The following EXOC6 variants were observed in gnomAD, a reference collection of about 807,000 sequenced individuals.
EXOC6 encodes exocyst complex component 6, also known as SEC15-like 1.
In EXOC6, 60 loss-of-function variants were observed where a neutral mutation model predicts 112.5. The ratio of observed to expected loss-of-function variants is 0.53; its 90% CI spans 0.43 to 0.66. The LOEUF is 0.66. Ranked by LOEUF, EXOC6 falls within the 30% of genes least tolerant of loss-of-function variation. The pLI, the probability that EXOC6 is intolerant of heterozygous loss-of-function variation, is 0.00. For synonymous variants in EXOC6, 295 were observed against 308.0 expected (o/e 0.96, Z 0.44); for missense variants, 855 against 957.1 (o/e 0.89, Z 1.41).
intron 7 of EXOC6, among the ~76,000 whole-genome samples, chr10:92,916,181 C>G (rs1246225635): frequency 6.6e-6 from 1 of 151,914 alleles, no homozygotes. Flanking sequence ...ATCAGCCCTA[C>G]AAGGACAGCT....
intron 1 of EXOC6, among the ~76,000 whole-genome samples, chr10:92,891,854 A>C (rs1849519277): frequency 6.6e-6 from 1 of 152,166 alleles, no homozygotes; most frequent in African/African-American, 2.4e-5. Flanking sequence ...ATTCATTAAA[A>C]ACCTAAGACA....
intron 1 of EXOC6, among the ~76,000 whole-genome samples, chr10:92,841,431 T>G (rs1846846577): frequency 6.6e-6 from 1 of 152,246 alleles, no homozygotes; most frequent in Non-Finnish European, 1.5e-5. Context: ...TATTTTATAC[T>G]AATGCAATAT....
chr10:92,948,591 T>TACTACTACC, intron 14 of EXOC6, among the ~76,000 whole-genome samples: 1 of 149,922 alleles, frequency 6.7e-6, no homozygotes, highest in Non-Finnish European at 1.5e-5. Flanking sequence ...CTACTACTAC[T>TACTACTACC]ACTACTACTA....
At chr10:93,035,287 G>A (rs973971629) in intron 20 of EXOC6, among the ~76,000 whole-genome samples, 2 of 152,160 alleles carry the variant, frequency 1.3e-5, no homozygotes. Flanking sequence ...TTCAGCTATC[G>A]ATATGAACTT....
intron 18 of EXOC6, chr10:92,987,698 C>T (rs1303210481): frequency 2.4e-6 from 2 of 848,194 alleles, no homozygotes; most frequent in Non-Finnish European, 2.8e-6. Context: ...GAATTTCCTG[C>T]AGGCTTATTT....
At chr10:92,982,038 C>G (rs1842843311) in intron 18 of EXOC6, among the ~76,000 whole-genome samples, 1 of 152,122 alleles carries the variant, frequency 6.6e-6, no homozygotes, top group Non-Finnish European at 1.5e-5. Flanking sequence ...ATCACTTGAA[C>G]CCGGGAGGCA....
intron 1 of EXOC6, among the ~76,000 whole-genome samples, chr10:92,827,650 A>G (rs914342314): frequency 1.3e-5 from 2 of 152,094 alleles, no homozygotes; most frequent in African/African-American, 2.4e-5. Context: ...GTGGCAAAGA[A>G]AAAGCTGCTG....
rs115908278 is a variant in EXOC6, at chr10:92,927,675, A to G, written c.889-664A>G. On this transcript the variant is annotated intron_variant, in intron 8 of 21. Coordinates refer to ENST00000260762, the MANE Select transcript of EXOC6 (RefSeq NM_019053.6). Reference sequence around the variant, plus strand: ...GAGTTCCATTGGACAACACTGAGATAGACTAACCAAGAAATTATAGCATGG... The same window carrying G: ...GAGTTCCATTGGACAACACTGAGATGGACTAACCAAGAAATTATAGCATGG... Among the ~76,000 whole-genome samples the G allele has an allele frequency of 6.4e-3, 977 of 152,346 alleles. 17 individuals are homozygous for G. Among genetic ancestry groups the G allele is most frequent in the African/African-American group, 0.022 (928 of 41,582 alleles).
At chr10:93,023,138 A>G (rs1253038717) in intron 20 of EXOC6, among the ~76,000 whole-genome samples, 2 of 151,784 alleles carry the variant, frequency 1.3e-5, no homozygotes, top group Non-Finnish European at 2.9e-5. Context: ...TTTGAATTTG[A>G]TACTGCTTCA....
chr10:92,971,214 T>C (rs529723007), intron 17 of EXOC6, among the ~76,000 whole-genome samples: 181 of 150,712 alleles, frequency 1.2e-3, no homozygotes, highest in African/African-American at 4.3e-3. Context: ...TGGCTAATTT[T>C]TTTGTATTTT....
At chr10:92,940,867 T>C (rs1455137805) in intron 13 of EXOC6, 43 bp downstream of exon 13, 1 of 1,254,882 alleles carries the variant, frequency 8.0e-7, no homozygotes, top group South Asian at 1.3e-5. Flanking sequence ...AATATGTTTG[T>C]CAAATGCTCA....
intron 20 of EXOC6, among the ~76,000 whole-genome samples, chr10:93,021,502 C>A (rs961463617): frequency 6.6e-6 from 1 of 152,172 alleles, no homozygotes; most frequent in African/African-American, 2.4e-5. Context: ...TTCGCTTTAT[C>A]CCTACAACTC....
intron 1 of EXOC6, among the ~76,000 whole-genome samples, chr10:92,870,165 G>A (rs998589564): frequency 5.9e-5 from 9 of 151,960 alleles, no homozygotes; most frequent in Non-Finnish European, 1.0e-4. Context: ...TGTTGGCCAG[G>A]TTGGTCTTGA....
intron 8 of EXOC6, among the ~76,000 whole-genome samples, chr10:92,923,203 A>T (rs1640186306): frequency 6.6e-6 from 1 of 152,078 alleles, no homozygotes; most frequent in Admixed American, 6.6e-5. Flanking sequence ...CAGGCACACA[A>T]TTTTTTGCCT....
chr10:92,839,422 C>T (rs530973057), intron 1 of EXOC6, among the ~76,000 whole-genome samples: 2 of 152,236 alleles, frequency 1.3e-5, no homozygotes, highest in African/African-American at 2.4e-5. Context: ...CAAGGATGGT[C>T]AATAGGTTTC....
At chr10:92,971,983 A>T (rs771602404) in intron 17 of EXOC6, among the ~76,000 whole-genome samples, 72 of 152,112 alleles carry the variant, frequency 4.7e-4, no homozygotes, top group Non-Finnish European at 8.4e-4. Context: ...GACCTTTCTG[A>T]ACTAAATCTG....
intron 4 of EXOC6, among the ~76,000 whole-genome samples, chr10:92,895,521 T>C (rs948252636): frequency 6.6e-6 from 1 of 152,096 alleles, no homozygotes; most frequent in African/African-American, 2.4e-5. Context: ...TTTCCTCCTG[T>C]ATTTTGGAAA....
chr10:93,054,156 A>G, intron 20 of EXOC6, among the ~76,000 whole-genome samples: 1 of 152,200 alleles, frequency 6.6e-6, no homozygotes, highest in East Asian at 1.9e-4. Context: ...AATTTCTTCC[A>G]TGTTAACATC....
At chr10:92,915,649 A>C in intron 6 of EXOC6, 109 bp from the exon 7 acceptor site, 1 of 600,848 alleles carries the variant, frequency 1.7e-6, no homozygotes, top group Non-Finnish European at 2.7e-6. Flanking sequence ...TACAAATTCT[A>C]TACCTACAGA....
Sources: allele counts gnomAD v4.1 joint callset (sites outside exome capture counted in the v4.1 genomes callset), GRCh38; gene constraint gnomAD v4.1.1; transcripts MANE v1.5; gene names NCBI Gene and HGNC (gene_info 2026-07-23, HGNC 2026-07-21).